Variants in RSPO2 observed in about 807,000 individuals in gnomAD.
RSPO2 encodes the protein R-spondin 2.
RSPO2 carries 14 observed loss-of-function variants against 30.9 expected under a neutral mutation model. The ratio of observed to expected loss-of-function variants is 0.45; its 90% CI spans 0.30 to 0.71. The LOEUF (loss-of-function observed/expected upper bound fraction) is 0.71. RSPO2 is among the 30% of genes least tolerant of loss of function. The pLI is 0.08. For synonymous variants in RSPO2, 107 were observed against 96.4 expected (o/e 1.11, Z -0.64); for missense variants, 264 against 301.9 (o/e 0.87, Z 0.93).
At chr8:108,082,006 G>A in intron 2 of RSPO2, 1 of 779,772 alleles carries the variant, frequency 1.3e-6, no homozygotes, top group African/African-American at 1.9e-5. Context: ...CCCTCGACTT[G>A]GTACCCCTCC....
At chr8:107,981,186 A>AC (rs1177763268) in intron 3 of RSPO2, among the ~76,000 whole-genome samples, 1 of 152,166 alleles carries the variant, frequency 6.6e-6, no homozygotes, top group African/African-American at 2.4e-5. Flanking sequence ...AAATACCTAG[A>AC]CTTTTTTTTT....
chr8:107,920,193 A>T (rs1198194979), intron 5 of RSPO2, among the ~76,000 whole-genome samples: 1 of 152,132 alleles, frequency 6.6e-6, no homozygotes, highest in Non-Finnish European at 1.5e-5. Context: ...CTTAAGGATG[A>T]GACTTTAATT....
In RSPO2 at chr8:107,900,524, CAGTAT is replaced by C. The variant is rs1811419381; in HGVS notation, c.*546_*550del. The stretch of plus-strand genomic sequence containing the variant: ...ATAAGAGCTTTATATGTAGCTCCTG[CAGTAT>C]ATGTACATATTAGGGCTGCAGTGAA... On this transcript the variant is annotated 3_prime_UTR_variant, in exon 6 of 6. Coordinates refer to ENST00000276659, the MANE Select transcript of RSPO2 (RefSeq NM_178565.5). The C allele has an allele frequency of 6.6e-6, 1 of 152,516 alleles. No homozygotes were observed. The highest frequency in any genetic ancestry group is 2.4e-5 in the African/African-American group (1 of 41,412). The allele number at this position is 152,516 out of a possible 1,614,324, so 9.4% of individuals were successfully genotyped here.
intron 2 of RSPO2, among the ~76,000 whole-genome samples, chr8:108,055,994 A>G (rs995702482): frequency 6.6e-6 from 1 of 152,146 alleles, no homozygotes; most frequent in African/African-American, 2.4e-5. Flanking sequence ...TAGACAAACC[A>G]TTCACCCTCT....
At chr8:107,949,946 A>C (rs1813188050) in intron 5 of RSPO2, among the ~76,000 whole-genome samples, 1 of 152,164 alleles carries the variant, frequency 6.6e-6, no homozygotes, top group African/African-American at 2.4e-5. Flanking sequence ...GCCTTCATCC[A>C]AGGATAAACG....
chr8:107,956,329 T>G (rs150770345), intron 5 of RSPO2, among the ~76,000 whole-genome samples: 64 of 152,340 alleles, frequency 4.2e-4, no homozygotes, highest in Non-Finnish European at 8.1e-4. Flanking sequence ...AGCTAGTCTT[T>G]CCTAATAAGT....
intron 5 of RSPO2, among the ~76,000 whole-genome samples, chr8:107,933,689 T>C (rs1563527336): frequency 6.6e-6 from 1 of 152,186 alleles, no homozygotes. Context: ...ACTCAAGACT[T>C]AGAAAGCTTA....
intron 1 of RSPO2, 39 bp from the exon 2 acceptor site, chr8:108,082,846 G>A (rs372961897): frequency 1.9e-6 from 1 of 533,922 alleles, no homozygotes. Context: ...TGTGGGGGAT[G>A]GAGAGAGCCC....
At chr8:107,926,584 G>GT (rs906111720) in intron 5 of RSPO2, among the ~76,000 whole-genome samples, 12 of 152,046 alleles carry the variant, frequency 7.9e-5, no homozygotes, top group Non-Finnish European at 1.3e-4. Context: ...TAAGGTGTAA[G>GT]AAGGGATCCA....
chr8:107,926,608 A>G (rs904821207), intron 5 of RSPO2, among the ~76,000 whole-genome samples: 1 of 152,084 alleles, frequency 6.6e-6, no homozygotes, highest in Admixed American at 6.6e-5. Flanking sequence ...TCAGCTTTCT[A>G]TATATGGCTA....
intron 2 of RSPO2, among the ~76,000 whole-genome samples, chr8:108,003,295 ATATATATATATATATATTTTTTTTTT>A (rs1418171678): frequency 0.019 from 513 of 27,430 alleles, 12 homozygotes; most frequent in African/African-American, 0.057. Flanking sequence ...ATATATATAT[ATATATATATATATATATTTTTTTTTT>A]TTTTTTTTTT....
intron 3 of RSPO2, among the ~76,000 whole-genome samples, chr8:107,987,844 G>A (rs769206007): frequency 2.4e-4 from 36 of 152,224 alleles, no homozygotes; most frequent in Admixed American, 5.9e-4. Flanking sequence ...TGCCTGAATA[G>A]ACACATACAC....
chr8:108,001,678 T>C (rs1210213481), intron 2 of RSPO2, among the ~76,000 whole-genome samples: 1 of 152,056 alleles, frequency 6.6e-6, no homozygotes, highest in Non-Finnish European at 1.5e-5. Flanking sequence ...CAGAAAGAGA[T>C]GATGTTTTTG....
At position 107,907,359 on chromosome 8, in the gene RSPO2, G is replaced by A. The variant is rs1811681279; in HGVS notation, c.617-6169C>T. 2.0e-5 allele frequency among the ~76,000 whole-genome samples: 3 copies of A among 151,924 alleles called. No individual in the cohort carries two copies. In the South Asian group the frequency reaches 6.2e-4, roughly 31 times the overall value. On this transcript the variant is annotated intron_variant, in intron 5 of 5. Coordinates refer to ENST00000276659, the MANE Select transcript of RSPO2 (RefSeq NM_178565.5). ...CAGATAGCTGTGTTTTGAAAGGACTGGCAACATCTAATCCTTCAATAATGG... is the reference window on the plus strand; with the variant it reads ...CAGATAGCTGTGTTTTGAAAGGACTAGCAACATCTAATCCTTCAATAATGG...
intron 3 of RSPO2, among the ~76,000 whole-genome samples, chr8:107,982,006 CAACAAAAAAAAAA>C (rs550928687): frequency 0.092 from 1,799 of 19,614 alleles, 15 homozygotes; most frequent in South Asian, 0.25. Flanking sequence ...ACAACAACAA[CAACAAAAAAAAAA>C]AAAAAAAAAA....
chr8:108,009,781 G>A (rs1220077172), intron 2 of RSPO2, among the ~76,000 whole-genome samples: 2 of 152,092 alleles, frequency 1.3e-5, no homozygotes, highest in East Asian at 3.9e-4. Flanking sequence ...TGGTTGCGGT[G>A]GCTCACACCT....
At chr8:107,985,295 T>C (rs1814584756) in intron 3 of RSPO2, among the ~76,000 whole-genome samples, 1 of 152,154 alleles carries the variant, frequency 6.6e-6, no homozygotes, top group Non-Finnish European at 1.5e-5. Flanking sequence ...ATTTATCTTA[T>C]AAAAATAAAC....
Position 108,015,340 on chromosome 8 carries a change from T to G in RSPO2, c.95-26096A>C, listed in dbSNP as rs558987803. Among the ~76,000 whole-genome samples the G allele has an allele frequency of 3.9e-5, 6 of 152,302 alleles. No homozygotes were observed. The East Asian group carries it at 9.7e-4, about 25-fold the overall frequency. On this transcript the variant is annotated intron_variant, in intron 2 of 5. Transcript: ENST00000276659. The stretch of plus-strand genomic sequence containing the variant: ...ATTTATCTCACGTTCTAATCATATG[T>G]CATGCACACACACACAAATAACACT...
At chr8:108,060,268 A>T (rs1422925784) in intron 2 of RSPO2, among the ~76,000 whole-genome samples, 1 of 151,886 alleles carries the variant, frequency 6.6e-6, no homozygotes, top group Non-Finnish European at 1.5e-5. Context: ...CCCATCACAA[A>T]GAAGCTAAAA....
Sources: gnomAD v4.1 joint callset for allele counts (sites outside exome capture counted in the v4.1 genomes callset) on GRCh38, gnomAD v4.1.1 for gene constraint, MANE v1.5 for transcripts, NCBI Gene and HGNC (gene_info 2026-07-23, HGNC 2026-07-21) for gene names.